Variants in SYCP2 observed in about 807,000 individuals in gnomAD.
SYCP2 encodes the protein synaptonemal complex protein 2.
SYCP2 carries 55 observed loss-of-function variants against 211.3 expected under a neutral mutation model. The ratio of observed to expected loss-of-function variants is 0.26; its 90% CI spans 0.21 to 0.33. The LOEUF (loss-of-function observed/expected upper bound fraction) is 0.33, where lower values mean the gene tolerates loss of function less well. Among genes scored for constraint, SYCP2 ranks in the 10% least tolerant of loss-of-function variants. The pLI is 1.00. For synonymous variants in SYCP2, 570 were observed against 555.2 expected, an observed-to-expected ratio of 1.03 and a Z score of -0.37; for missense variants, 1,731 against 1,752.0, an observed-to-expected ratio of 0.99 and a Z score of 0.21.
At chr20:59,924,611 A>G (rs1448492810) in intron 2 of SYCP2, among the ~76,000 whole-genome samples, 1 of 152,042 alleles carries the variant, frequency 6.6e-6, no homozygotes, top group African/African-American at 2.4e-5. Context: ...ACAAAAATTA[A>G]AAAGAAAAAA....
In SYCP2 at chr20:59,885,921, C is replaced by A; in HGVS notation, c.2529+7G>T. 6.3e-7 allele frequency: 1 copy of A among 1,596,088 alleles called. No homozygotes were observed. The highest frequency in any genetic ancestry group is 8.5e-7 in the Non-Finnish European group (1 of 1,171,358). The stretch of plus-strand genomic sequence containing the variant: ...AGATTTGGTGAAGTTAAGTAAATAA[C>A]ACCTACCTTACTGAGTTGTACAACA... On this transcript the variant is annotated splice_region_variant and intron_variant, in intron 26 of 44. Coordinates refer to ENST00000357552, the MANE Select transcript of SYCP2 (RefSeq NM_014258.4).
Position 59,912,351 on chromosome 20 carries a change from ATG to A in SYCP2, c.876+20_876+21del, listed in dbSNP as rs1491138085. On this transcript the variant is annotated intron_variant, in intron 13 of 44. Transcript: ENST00000357552. ...CAAAATTCATGCAATAACTAAAATAATGTGTTAAATTAAAATTTTACCTCATA... is the reference window on the plus strand; with the variant it reads ...CAAAATTCATGCAATAACTAAAATAATGTTAAATTAAAATTTTACCTCATA... The A allele has an allele frequency of 7.7e-6, 7 of 908,442 alleles. No homozygotes were observed. Among genetic ancestry groups the A allele is most frequent in the East Asian group, 2.9e-5 (1 of 34,666 alleles). 56.3% of individuals were successfully genotyped at this position (908,442 alleles called of 1,614,324 possible). A position where few individuals can be genotyped will look rare whatever the true frequency, so the allele number is the denominator to read the frequency against.
At chr20:59,905,431 A>C (rs969345023) in intron 15 of SYCP2, among the ~76,000 whole-genome samples, 2 of 152,188 alleles carry the variant, frequency 1.3e-5, no homozygotes, top group Non-Finnish European at 2.9e-5. Context: ...CTCAGCAATA[A>C]AAAGAATAAA....
intron 26 of SYCP2, among the ~76,000 whole-genome samples, chr20:59,884,870 A>G (rs1049279432): frequency 6.6e-6 from 1 of 152,118 alleles, no homozygotes; most frequent in Non-Finnish European, 1.5e-5. Flanking sequence ...AAAACCCATG[A>G]GTAAAATAGC....
chr20:59,912,198 T>C (rs2060344665), intron 13 of SYCP2, 175 bp downstream of exon 13: 2 of 462,734 alleles, frequency 4.3e-6, no homozygotes, highest in African/African-American at 2.1e-5. Flanking sequence ...GCAATGAATA[T>C]GCTGTTCCAT....
At position 59,933,623 on chromosome 20, in the gene SYCP2, G is replaced by GCGTCGCAACTCTGCGCCTCAGGGAC. The variant is rs2060819005; in HGVS notation, c.-195_-194insGTCCCTGAGGCGCAGAGTTGCGACG. 6.6e-6 allele frequency: 1 copy of GCGTCGCAACTCTGCGCCTCAGGGAC among 152,124 alleles called. No homozygotes were observed. The highest frequency in any genetic ancestry group is 1.5e-5 in the Non-Finnish European group (1 of 68,048). The allele number at this position is 152,124 out of a possible 1,614,324, so 9.4% of individuals were successfully genotyped here. A position where few individuals can be genotyped will look rare whatever the true frequency, so the allele number is the denominator to read the frequency against. ...GTGGAGCCGCCCCCTATGCCGCCGA[G>GCGTCGCAACTCTGCGCCTCAGGGAC]CGTCGCAACTCTGCGCCTCAGGGAC... is the stretch of plus-strand genomic sequence containing the variant. On this transcript the variant is annotated 5_prime_UTR_variant, in exon 1 of 45. Coordinates refer to ENST00000357552, the MANE Select transcript of SYCP2 (RefSeq NM_014258.4).
intron 25 of SYCP2, 59 bp downstream of exon 25, chr20:59,886,648 T>C: frequency 7.9e-7 from 1 of 1,265,964 alleles, no homozygotes; most frequent in Admixed American, 2.8e-5. Context: ...CTTTTTAAAA[T>C]TGTGTAATAT....
chr20:59,895,240 T>A (rs1375050189), intron 20 of SYCP2, among the ~76,000 whole-genome samples, 197 bp downstream of exon 20: 1 of 152,098 alleles, frequency 6.6e-6, no homozygotes, highest in Admixed American at 6.6e-5. Context: ...TTAATATTCA[T>A]AACTTTTATT....
chr20:59,897,874 A>T (rs1294651647), intron 18 of SYCP2, among the ~76,000 whole-genome samples: 3 of 152,152 alleles, frequency 2.0e-5, no homozygotes, highest in Non-Finnish European at 2.9e-5. Context: ...ACCTGAGGTC[A>T]GGAGTTCGAG....
intron 18 of SYCP2, among the ~76,000 whole-genome samples, chr20:59,897,627 A>T (rs1415033591): frequency 6.6e-6 from 1 of 152,178 alleles, no homozygotes; most frequent in Non-Finnish European, 1.5e-5. Flanking sequence ...TGTGCTAATT[A>T]TCTCGGGGAA....
rs139031830 is a variant in SYCP2, at chr20:59,871,604, A to G, written c.3556-1621T>C. On this transcript the variant is annotated intron_variant, in intron 35 of 44. Coordinates refer to ENST00000357552, the MANE Select transcript of SYCP2 (RefSeq NM_014258.4). ...AAGGGATTAAAGGATGCGGGGGAAA[A>G]TAAGAATGACAGAAACAAAGGGATT... Among the ~76,000 whole-genome samples the G allele has an allele frequency of 4.2e-3, 634 of 151,976 alleles. 9 individuals carry two copies. The highest frequency in any genetic ancestry group is 0.014 in the African/African-American group (569 of 41,524).
rs776190070 is a variant in SYCP2, at chr20:59,874,061, C to T, written c.3350G>A (p.Cys1117Tyr). ...GSPSSIEVTR[C>Y]IEKITEKDFT... ...ATCCTTTTCTGTTATTTTCTCTATA[C>T]CTATATTGCATCAAAATAAAAAAGA... The change falls in exon 35 of 45, where the codon TGT becomes TAT. Residue 1117 changes from cysteine (C) to tyrosine (Y), a missense_variant and splice_region_variant. Physicochemically the swap from Cys to Tyr is radical, Grantham distance 194 (BLOSUM62 -2). This residue lies in a region of SYCP2 where 1,387 missense variants were observed against 1,351.3 expected (regional missense o/e 1.03). Transcript: ENST00000357552. 1.3e-6 allele frequency: 2 copies of T among 1,528,970 alleles called. No homozygotes were observed. Among genetic ancestry groups the T allele is most frequent in the Non-Finnish European group, 1.8e-6 (2 of 1,131,128 alleles). 94.7% of individuals were successfully genotyped at this position (1,528,970 alleles called of 1,614,324 possible).
intron 15 of SYCP2, among the ~76,000 whole-genome samples, chr20:59,902,195 TAC>T (rs566946275): frequency 6.6e-5 from 10 of 152,108 alleles, no homozygotes; most frequent in Non-Finnish European, 1.2e-4. Context: ...TTTCTAGACA[TAC>T]ACATATAAAC....
At chr20:59,897,840 T>C (rs1252779721) in intron 18 of SYCP2, among the ~76,000 whole-genome samples, 3 of 152,118 alleles carry the variant, frequency 2.0e-5, no homozygotes, top group Non-Finnish European at 4.4e-5. Flanking sequence ...TCCCAGCACT[T>C]TGGGAGGCCG....
intron 2 of SYCP2, among the ~76,000 whole-genome samples, chr20:59,924,993 T>A (rs1027994487): frequency 6.6e-6 from 1 of 152,072 alleles, no homozygotes; most frequent in African/African-American, 2.4e-5. Flanking sequence ...TCATACCATA[T>A]GCAAACACCA....
chr20:59,889,828 A>G (rs1341004199), intron 24 of SYCP2, among the ~76,000 whole-genome samples: 1 of 152,094 alleles, frequency 6.6e-6, no homozygotes, highest in African/African-American at 2.4e-5. Context: ...GAAAGACAGT[A>G]TCAGACAGAT....
intron 15 of SYCP2, among the ~76,000 whole-genome samples, chr20:59,906,848 A>G (rs781772627): frequency 6.6e-6 from 1 of 152,184 alleles, no homozygotes; most frequent in Non-Finnish European, 1.5e-5. Context: ...TATTTAAAAT[A>G]TATACTTTAC....
chr20:59,867,872 A>G (rs771995743), intron 38 of SYCP2, 25 bp from the exon 39 acceptor site: 1 of 1,548,258 alleles, frequency 6.5e-7, no homozygotes, highest in Admixed American at 1.8e-5. Flanking sequence ...CAATCTGCTG[A>G]AGTTAAAATA....
At chr20:59,924,437 G>T (rs894377074) in intron 2 of SYCP2, among the ~76,000 whole-genome samples, 1 of 151,928 alleles carries the variant, frequency 6.6e-6, no homozygotes, top group Non-Finnish European at 1.5e-5. Context: ...TAAAAGGGAA[G>T]AGGTAAAGTT....
Sources: allele counts gnomAD v4.1 joint callset (sites outside exome capture counted in the v4.1 genomes callset), GRCh38; gene constraint gnomAD v4.1.1; regional missense constraint gnomAD v4.1.1; transcripts MANE v1.5; gene names NCBI Gene and HGNC (gene_info 2026-07-23, HGNC 2026-07-21).